Variants in MTCL1 observed in about 807,000 individuals in gnomAD.
The protein encoded by MTCL1 is microtubule crosslinking factor 1.
In MTCL1, 79 loss-of-function variants were observed where a neutral mutation model predicts 141.4. That is an observed-to-expected ratio of 0.56 (90% CI 0.47 to 0.67). The LOEUF (loss-of-function observed/expected upper bound fraction) is 0.67. MTCL1 is among the 30% of genes least tolerant of loss of function. MTCL1 has a pLI of 0.00. For synonymous variants in MTCL1, 914 were observed against 875.8 expected (o/e 1.04, Z -0.77); for missense variants, 2,177 against 2,113.9 (o/e 1.03, Z -0.59).
intron 11 of MTCL1, among the ~76,000 whole-genome samples, chr18:8,807,964 G>T (rs1259471761): frequency 1.3e-5 from 2 of 149,446 alleles, no homozygotes; most frequent in African/African-American, 5.0e-5. Context: ...GGAGACCCCT[G>T]TCACATGGTC....
exon 1 of MTCL1, chr18:8,706,678 A>G: frequency 1.3e-6 from 2 of 1,546,190 alleles, no homozygotes; most frequent in Non-Finnish European, 1.7e-6. Context: ...GCTGCGGGAG[A>G]TGGAGGAGCT....
intron 4 of MTCL1, among the ~76,000 whole-genome samples, chr18:8,751,439 A>C (rs191386853): frequency 6.6e-6 from 1 of 152,306 alleles, no homozygotes; most frequent in East Asian, 1.9e-4. Context: ...TTACTGCTCA[A>C]AAGTGGGCCA....
rs116878283 is a variant in MTCL1 at position 8,747,527 on chromosome 18, T to C, written c.357+27031T>C. Among the ~76,000 whole-genome samples the C allele has an allele frequency of 8.7e-3, 1,318 of 152,310 alleles. 11 individuals are homozygous for C. Among genetic ancestry groups the C allele is most frequent in the Middle Eastern group, 0.02 (6 of 294 alleles). Reference sequence around the variant, plus strand: ...ACAACCTCTTCCCTGTGTGTCTGAGTCTCAGCTGCCTTCTCTGTGTGTGTG... The same window carrying C: ...ACAACCTCTTCCCTGTGTGTCTGAGCCTCAGCTGCCTTCTCTGTGTGTGTG... On this transcript the variant is annotated intron_variant, in intron 4 of 16. Transcript: ENST00000359865.
chr18:8,797,711 C>T (rs180912999), intron 9 of MTCL1, among the ~76,000 whole-genome samples: 6 of 152,322 alleles, frequency 3.9e-5, no homozygotes, highest in African/African-American at 9.6e-5. Flanking sequence ...AAACTAATTC[C>T]GCCAGCTTCC....
chr18:8,782,333 T>C (rs773178930), intron 5 of MTCL1: 1 of 152,238 alleles, frequency 6.6e-6, no homozygotes, highest in Non-Finnish European at 1.5e-5. Context: ...AAACCTTTGC[T>C]GAAGCCTTTT....
chr18:8,720,149 C>T, intron 3 of MTCL1, 189 bp from the exon 3 acceptor site: 2 of 576,986 alleles, frequency 3.5e-6, no homozygotes, highest in African/African-American at 1.9e-5. Context: ...GCCTTTTAGC[C>T]CAGATGTTGA....
chr18:8,723,135 C>T (rs1017222281), intron 4 of MTCL1, among the ~76,000 whole-genome samples: 35 of 152,052 alleles, frequency 2.3e-4, no homozygotes, highest in African/African-American at 7.0e-4. Context: ...GTGGTGGGAC[C>T]GCATATTTAC....
chr18:8,717,314 G>T (rs1226004700), upstream of MTCL1: 2 of 152,256 alleles, frequency 1.3e-5, no homozygotes, highest in African/African-American at 2.4e-5. Context: ...GCCAGGGGAG[G>T]CTTTGCATGA....
intron 4 of MTCL1, among the ~76,000 whole-genome samples, chr18:8,747,219 C>G (rs996679076): frequency 6.6e-6 from 1 of 152,200 alleles, no homozygotes; most frequent in Non-Finnish European, 1.5e-5. Context: ...ACCCACTGAA[C>G]GGCTTCAGAA....
Position 8,796,356 on chromosome 18 carries a change from G to A in MTCL1, c.2135G>A (p.Arg712Gln), listed in dbSNP as rs150964075. Residue 712 changes from arginine (R) to glutamine (Q), a missense_variant, in exon 9 of 17, where the codon CGG (arginine) becomes CAG (glutamine). Transcript: ENST00000359865. ...AAGAATCTGATGCAGCAGGAGCTCCGGTCCTTGAAGCAGAACATTTTCCTC... is the reference window on the plus strand; with the variant it reads ...AAGAATCTGATGCAGCAGGAGCTCCAGTCCTTGAAGCAGAACATTTTCCTC... 397 of 1,614,148 alleles carry A rather than the reference G, an allele frequency of 2.5e-4. No homozygotes were observed. Among genetic ancestry groups the A allele is most frequent in the Non-Finnish European group, 3.1e-4 (369 of 1,180,032 alleles).
rs575066899 is a variant in MTCL1, at chr18:8,810,818, G to A, written c.2605-2161G>A. Among the ~76,000 whole-genome samples the A allele has an allele frequency of 2.0e-5, 3 of 152,252 alleles. No individual in the cohort carries two copies. The highest frequency in any genetic ancestry group is 3.9e-4 in the East Asian group (2 of 5,174). Reference sequence around the variant, plus strand: ...TTTTATAAATAATTGATCAAGAAGCGTCACCACTGACCTGTGCCCGTGGCT... The same window carrying A: ...TTTTATAAATAATTGATCAAGAAGCATCACCACTGACCTGTGCCCGTGGCT... On this transcript the variant is annotated intron_variant, in intron 11 of 16. Transcript: ENST00000359865. This position sits in a 1 kb window ranked among gnomAD's most constrained non-coding sequence, Gnocchi z 5.0.
rs1191242546 is a variant in MTCL1, at chr18:8,810,837, C to T, written c.2605-2142C>T. On this transcript the variant is annotated intron_variant, in intron 11 of 16. Transcript: ENST00000359865. The surrounding 1 kb of genome is among the most constrained non-coding windows in gnomAD (Gnocchi z 5.0). ...AGAAGCGTCACCACTGACCTGTGCC[C>T]GTGGCTGTCATCTGCTTCCTCAAGC... is the stretch of plus-strand genomic sequence containing the variant. Among the ~76,000 whole-genome samples the T allele has an allele frequency of 6.6e-6, 1 of 152,132 alleles. No individual in the cohort carries two copies. The highest frequency in any genetic ancestry group is 2.4e-5 in the African/African-American group (1 of 41,416).
chr18:8,805,540 G>A (rs1052975078), intron 10 of MTCL1, among the ~76,000 whole-genome samples: 3 of 152,170 alleles, frequency 2.0e-5, no homozygotes, highest in African/African-American at 7.2e-5. Flanking sequence ...TGTATGTTTA[G>A]TGGATCAACT....
At chr18:8,782,177 A>C (rs893047178) in intron 5 of MTCL1, 1 of 152,204 alleles carries the variant, frequency 6.6e-6, no homozygotes, top group East Asian at 1.9e-4. Context: ...TGACGATCCG[A>C]AGGAGTTAAT....
Position 8,830,268 on chromosome 18 carries a change from A to G in MTCL1, c.*18+1304A>G. 1 of 985,516 alleles carries G rather than the reference A, an allele frequency of 1.0e-6. No individual in the cohort carries two copies. The highest frequency in any genetic ancestry group is 1.2e-6 in the Non-Finnish European group (1 of 830,010). The allele number at this position is 985,516 out of a possible 1,614,324, so 61.0% of individuals were successfully genotyped here. On this transcript the variant is annotated intron_variant, in intron 16 of 16. Coordinates refer to ENST00000359865, the Ensembl canonical transcript of MTCL1. This position sits in a 1 kb window ranked among gnomAD's most constrained non-coding sequence, Gnocchi z 6.4. ...TTCTGGTTGTCACGGTACTGTTAGC[A>G]TAATGCTTTGGGAACAGAAGCTTCT... is the stretch of plus-strand genomic sequence containing the variant.
chr18:8,781,914 G>A (rs2143452757), intron 5 of MTCL1, among the ~76,000 whole-genome samples: 2 of 152,352 alleles, frequency 1.3e-5, no homozygotes, highest in African/African-American at 4.8e-5. Context: ...GATAGCGCCA[G>A]GGCAAGCTTT....
chr18:8,762,146 G>T (rs1421490952), intron 4 of MTCL1, among the ~76,000 whole-genome samples: 2 of 152,172 alleles, frequency 1.3e-5, no homozygotes, highest in Admixed American at 6.5e-5. Flanking sequence ...GAGTATTGGT[G>T]TTCAGGTATA....
At chr18:8,784,294 G>C (rs749396780) in exon 6 of MTCL1, 1 of 1,581,914 alleles carries the variant, frequency 6.3e-7, no homozygotes, top group African/African-American at 1.3e-5. Context: ...CGGGCAAGAA[G>C]GAGAGTGATG....
chr18:8,720,834 C>T (rs1223955266), intron 4 of MTCL1, among the ~76,000 whole-genome samples: 2 of 152,126 alleles, frequency 1.3e-5, no homozygotes, highest in Non-Finnish European at 2.9e-5. Context: ...AATTACCACT[C>T]AGATGAGCTG....
Sources: allele counts gnomAD v4.1 joint callset (sites outside exome capture counted in the v4.1 genomes callset), GRCh38; gene constraint gnomAD v4.1.1; non-coding constraint Gnocchi (gnomAD v3.1); transcripts MANE v1.5; gene names NCBI Gene and HGNC (gene_info 2026-07-23, HGNC 2026-07-21).